The following ADAP1 variants were observed in gnomAD, a reference collection of about 807,000 sequenced individuals.
ADAP1 encodes the protein ArfGAP with dual PH domains 1.
Under a neutral mutation model 54.9 loss-of-function variants are expected in ADAP1, and 31 were observed. The observed-to-expected ratio is 0.56, with a 90% CI of 0.42 to 0.76. ADAP1 has a LOEUF of 0.76. Among genes scored for constraint, ADAP1 ranks in the 30% least tolerant of loss-of-function variants. The pLI, the probability that ADAP1 is intolerant of heterozygous loss-of-function variation, is 0.00. For synonymous variants in ADAP1, 313 were observed against 202.6 expected (o/e 1.55, Z -4.63); for missense variants, 535 against 512.4 (o/e 1.04, Z -0.42).
chr7:925,567 A>C (rs1037942734), intron 3 of ADAP1, among the ~76,000 whole-genome samples: 54 of 148,184 alleles, frequency 3.6e-4, no homozygotes, highest in African/African-American at 1.3e-3. Context: ...TGCAGGGGGC[A>C]CAGACCCCAA....
intron 4 of ADAP1, among the ~76,000 whole-genome samples, chr7:910,260 G>C (rs1845669581): frequency 6.6e-6 from 1 of 151,286 alleles, no homozygotes; most frequent in Non-Finnish European, 1.5e-5. Flanking sequence ...GCCCACACCC[G>C]TTTACGAGGC....
chr7:934,878 G>A (rs909722770), intron 2 of ADAP1, among the ~76,000 whole-genome samples: 7 of 152,200 alleles, frequency 4.6e-5, no homozygotes, highest in Non-Finnish European at 8.8e-5. Context: ...GTGGGCAGTG[G>A]CTGTGTCACC....
rs772747624 is a variant in ADAP1 at position 935,363 on chromosome 7, C to T, written c.213+12G>A. On this transcript the variant is annotated intron_variant, in intron 2 of 10. Coordinates refer to ENST00000265846, the MANE Select transcript of ADAP1 (RefSeq NM_006869.4). ...GGACTGCGCGGGTCCCCCCGCCCCT[C>T]CCCCTCCGTACCTCCACTTGGGCCT... 1.3e-6 allele frequency: 2 copies of T among 1,553,030 alleles called. No homozygotes were observed. Among genetic ancestry groups the T allele is most frequent in the South Asian group, 2.4e-5 (2 of 84,262 alleles).
chr7:899,274 A>G lies in ADAP1; in HGVS notation c.868-13T>C. On this transcript the variant is annotated splice_polypyrimidine_tract_variant and intron_variant, in intron 9 of 10. Transcript: ENST00000265846. ...GGGCGAAGGCGTCCTGTGGGTGGGG[A>G]CCGCACTGGAGGCGGGGCCATGTCC... 1 of 1,612,280 alleles carries G rather than the reference A, an allele frequency of 6.2e-7. No homozygotes were observed. Among genetic ancestry groups the G allele is most frequent in the African/African-American group, 1.3e-5 (1 of 75,016 alleles).
chr7:943,123 T>A (rs373602418), intron 1 of ADAP1, among the ~76,000 whole-genome samples: 23 of 11,810 alleles, frequency 1.9e-3, no homozygotes, highest in Admixed American at 7.8e-3. Context: ...AGGAAGGGAG[T>A]GAGGAGGAGG....
chr7:902,753 G>C (rs553722769), intron 6 of ADAP1, among the ~76,000 whole-genome samples: 1 of 147,984 alleles, frequency 6.8e-6, no homozygotes, highest in African/African-American at 2.5e-5. Flanking sequence ...CCCTGGGCCT[G>C]TACCCAGCAC....
At chr7:908,802 C>T (rs1230754659) in intron 4 of ADAP1, among the ~76,000 whole-genome samples, 4 of 152,228 alleles carry the variant, frequency 2.6e-5, no homozygotes, top group Non-Finnish European at 5.9e-5. Context: ...GTGTGCACCC[C>T]GGGGAGCCTC....
intron 1 of ADAP1, among the ~76,000 whole-genome samples, chr7:949,274 C>A (rs556709283): frequency 2.0e-5 from 3 of 152,280 alleles, no homozygotes; most frequent in Non-Finnish European, 4.4e-5. Flanking sequence ...GCACATACCT[C>A]CTGGCCACAC....
chr7:955,069 C>T (rs1583195654), upstream of ADAP1, among the ~76,000 whole-genome samples: 2 of 152,190 alleles, frequency 1.3e-5, no homozygotes, highest in South Asian at 4.1e-4. Flanking sequence ...GCGCTCACAC[C>T]ATCCCTGCCT....
At chr7:906,561 G>GA (rs375706870) in intron 4 of ADAP1, among the ~76,000 whole-genome samples, 1 of 26,402 alleles carries the variant, frequency 3.8e-5, no homozygotes. Context: ...AGGGAGAAAG[G>GA]GAAAGGAGAA....
At chr7:918,607 C>T (rs981294029) in intron 4 of ADAP1, among the ~76,000 whole-genome samples, 3 of 152,144 alleles carry the variant, frequency 2.0e-5, no homozygotes, top group South Asian at 2.1e-4. Flanking sequence ...TCCTTCCTCA[C>T]GTGGCCATGC....
chr7:913,133 G>A (rs570868967), intron 4 of ADAP1, among the ~76,000 whole-genome samples: 23 of 151,914 alleles, frequency 1.5e-4, no homozygotes, highest in Admixed American at 5.2e-4. Context: ...CATGAGCCCC[G>A]GTGCCCGGCC....
intron 4 of ADAP1, among the ~76,000 whole-genome samples, chr7:907,894 G>A (rs1845540971): frequency 6.6e-6 from 1 of 151,864 alleles, no homozygotes; most frequent in South Asian, 2.1e-4. Flanking sequence ...GGAGGTCGCG[G>A]GGCCGTCTGC....
chr7:923,961 G>A (rs1018403048), intron 3 of ADAP1, among the ~76,000 whole-genome samples: 2 of 151,914 alleles, frequency 1.3e-5, no homozygotes, highest in African/African-American at 4.8e-5. Context: ...CTGGACGTTT[G>A]GGCCCCACGA....
upstream of ADAP1, chr7:954,697 G>C: frequency 1.0e-6 from 1 of 981,616 alleles, no homozygotes; most frequent in Non-Finnish European, 1.2e-6. Flanking sequence ...GCGGGGCCCG[G>C]GGCGCACGCT....
Position 940,361 on chromosome 7 carries a change from C to G in ADAP1, c.83-4856G>C, listed in dbSNP as rs867939119. 6.6e-5 allele frequency among the ~76,000 whole-genome samples: 10 copies of G among 150,664 alleles called. No homozygotes were observed. The South Asian group carries it at 1.5e-3, about 22-fold the overall frequency. On this transcript the variant is annotated intron_variant, in intron 1 of 10. Transcript: ENST00000265846. ...ACACACACACACACACACACACACACACACACACACACAATATGGAGACAT... is the reference window on the plus strand; with the variant it reads ...ACACACACACACACACACACACACAGACACACACACACAATATGGAGACAT...
intron 2 of ADAP1, chr7:935,086 C>G: frequency 1.8e-6 from 1 of 558,158 alleles, no homozygotes. Flanking sequence ...GGGAGCACTC[C>G]GGAGCTCCCA....
chr7:904,307 G>C, intron 5 of ADAP1, 35 bp from the exon 6 acceptor site: 1 of 1,533,182 alleles, frequency 6.5e-7, no homozygotes, highest in Non-Finnish European at 8.8e-7. Context: ...CCTCACAGGG[G>C]CCGTCGTCCA....
At chr7:900,890 G>GGGCCGA (rs1844774319) in intron 6 of ADAP1, 1 of 593,214 alleles carries the variant, frequency 1.7e-6, no homozygotes, top group African/African-American at 1.9e-5. Context: ...CGAAGGGCCG[G>GGGCCGA]GCCGGGCCGG....
Sources: gnomAD v4.1 joint callset for allele counts (sites outside exome capture counted in the v4.1 genomes callset) on GRCh38, gnomAD v4.1.1 for gene constraint, MANE v1.5 for transcripts, NCBI Gene and HGNC (gene_info 2026-07-23, HGNC 2026-07-21) for gene names.